The following CALCR variants were observed in gnomAD, a reference collection of about 807,000 sequenced individuals.
CALCR encodes calcitonin receptor.
In CALCR, 47 loss-of-function variants were observed where a neutral mutation model predicts 59.5. The observed-to-expected ratio is 0.79, with a 90% CI of 0.63 to 1.01. CALCR has a LOEUF of 1.01. CALCR is among the 50% of genes least tolerant of loss of function. The pLI is 0.00. For synonymous variants in CALCR, 213 were observed against 211.3 expected, an observed-to-expected ratio of 1.01 and a Z score of -0.07; for missense variants, 566 against 597.1, an observed-to-expected ratio of 0.95 and a Z score of 0.54.
At chr7:93,430,161 TCCTGA>T in intron 13 of CALCR, among the ~76,000 whole-genome samples, 1 of 152,186 alleles carries the variant, frequency 6.6e-6, no homozygotes, top group South Asian at 2.1e-4. Flanking sequence ...GGTCTCAATC[TCCTGA>T]CCTTGTGATC....
chr7:93,465,776 C>T (rs1351741601), intron 7 of CALCR, among the ~76,000 whole-genome samples: 1 of 151,846 alleles, frequency 6.6e-6, no homozygotes, highest in Non-Finnish European at 1.5e-5. Flanking sequence ...ATAATTCCAC[C>T]TTTTACCTTC....
intron 2 of CALCR, among the ~76,000 whole-genome samples, chr7:93,515,728 A>G (rs931403437): frequency 3.3e-5 from 5 of 151,990 alleles, no homozygotes; most frequent in African/African-American, 1.2e-4. Context: ...ACCAATGCAC[A>G]TTCAAATTTG....
chr7:93,432,402 C>T (rs1584531954), intron 13 of CALCR, among the ~76,000 whole-genome samples: 2 of 152,108 alleles, frequency 1.3e-5, no homozygotes, highest in Admixed American at 6.6e-5. Context: ...GTGATGCATT[C>T]GCAGAATGAC....
chr7:93,454,479 TA>T (rs774040515), intron 8 of CALCR, among the ~76,000 whole-genome samples: 2 of 151,750 alleles, frequency 1.3e-5, no homozygotes, highest in Admixed American at 6.6e-5. Context: ...CAGAACCAGA[TA>T]AAAAAAATTA....
At chr7:93,525,431 A>C (rs1383117143) in intron 2 of CALCR, among the ~76,000 whole-genome samples, 1 of 152,210 alleles carries the variant, frequency 6.6e-6, no homozygotes, top group Admixed American at 6.6e-5. Context: ...AACTAACAGC[A>C]TGAAATACTT....
At chr7:93,498,107 G>A (rs986524511) in intron 2 of CALCR, among the ~76,000 whole-genome samples, 2 of 151,542 alleles carry the variant, frequency 1.3e-5, no homozygotes, top group African/African-American at 4.8e-5. Context: ...ACTTGCTAAT[G>A]GGAAACAAAA....
chr7:93,463,561 C>A (rs1800383308), intron 7 of CALCR, among the ~76,000 whole-genome samples: 1 of 151,818 alleles, frequency 6.6e-6, no homozygotes. Context: ...TATGATTGTG[C>A]ACTCATTATG....
At chr7:93,449,259 G>A (rs1239618631) in intron 8 of CALCR, among the ~76,000 whole-genome samples, 1 of 152,008 alleles carries the variant, frequency 6.6e-6, no homozygotes, top group Non-Finnish European at 1.5e-5. Context: ...GGAAGAGTGT[G>A]AAGTGATGTT....
chr7:93,516,493 C>T (rs763615389), intron 2 of CALCR, among the ~76,000 whole-genome samples: 18 of 151,934 alleles, frequency 1.2e-4, no homozygotes, highest in Non-Finnish European at 2.2e-4. Context: ...GAGATGGACA[C>T]ATTGTGGATT....
rs1799958255 is a variant in CALCR, at chr7:93,443,746, C to A, written c.660G>T (p.Lys220Asn). The change falls in exon 9 of 14, where the codon AAG becomes AAT. Residue 220 changes from lysine to asparagine, a missense_variant. Coordinates refer to ENST00000426151, the MANE Select transcript of CALCR (RefSeq NM_001742.4). ...TGTACTGGTGGAAAAAATGCAAAAT[C>A]TTGCAGCTCACCTGTCAGAAAGAAA... is the stretch of plus-strand genomic sequence containing the variant. ...ELVRRDPVSCKILHFFHQYMM... is the reference protein window; with the variant it reads ...ELVRRDPVSCNILHFFHQYMM... 6.2e-7 allele frequency: 1 copy of A among 1,612,764 alleles called. No individual in the cohort carries two copies.
chr7:93,500,022 G>A (rs1801289078), intron 2 of CALCR, among the ~76,000 whole-genome samples: 1 of 151,786 alleles, frequency 6.6e-6, no homozygotes, highest in African/African-American at 2.4e-5. Flanking sequence ...GAAACTGGAA[G>A]GGATCTTAGA....
At chr7:93,538,396 T>C (rs893108627) in intron 2 of CALCR, among the ~76,000 whole-genome samples, 3 of 152,076 alleles carry the variant, frequency 2.0e-5, no homozygotes, top group Non-Finnish European at 2.9e-5. Context: ...AGTTTTATGA[T>C]AGTTATTCTT....
chr7:93,460,818 T>A lies in CALCR; in HGVS notation c.648+3A>T. 6.2e-7 allele frequency: 1 copy of A among 1,601,846 alleles called. No individual in the cohort carries two copies. The highest frequency in any genetic ancestry group is 8.5e-7 in the Non-Finnish European group (1 of 1,174,520). ...AGTAAAAACAAAACTATGCAGTACT[T>A]ACCGGGTCCCTTCGCACGAGCTCTC... On this transcript the variant is annotated splice_donor_region_variant and intron_variant, in intron 8 of 13. Coordinates refer to ENST00000426151, the MANE Select transcript of CALCR (RefSeq NM_001742.4).
At chr7:93,551,050 G>A (rs532522302) in intron 2 of CALCR, among the ~76,000 whole-genome samples, 3 of 152,036 alleles carry the variant, frequency 2.0e-5, no homozygotes, top group South Asian at 2.1e-4. Flanking sequence ...TCTAAAATTA[G>A]CAAACCAACA....
At chr7:93,534,171 G>C (rs1034637424) in intron 2 of CALCR, among the ~76,000 whole-genome samples, 4 of 151,794 alleles carry the variant, frequency 2.6e-5, no homozygotes, top group African/African-American at 4.8e-5. Context: ...CGTGTATCAA[G>C]TGTTTGACAA....
In CALCR at chr7:93,480,910, A is replaced by G. The variant is rs368759736; in HGVS notation, c.52-1403T>C. On this transcript the variant is annotated intron_variant, in intron 3 of 13. Coordinates refer to ENST00000426151, the MANE Select transcript of CALCR (RefSeq NM_001742.4). The stretch of plus-strand genomic sequence containing the variant: ...ATGCATGAGCCACTGTGAGAAAACC[A>G]TCTTGCCTGAAGGGGAGCATATTTG... 1.8e-3 allele frequency among the ~76,000 whole-genome samples: 274 copies of G among 151,980 alleles called. 15 individuals carry two copies. The South Asian group carries it at 0.054, about 30-fold the overall frequency.
chr7:93,476,178 G>A lies in CALCR; in HGVS notation c.316+1380C>T, dbSNP rs535560638. On this transcript the variant is annotated intron_variant, in intron 5 of 13. Coordinates refer to ENST00000426151, the MANE Select transcript of CALCR (RefSeq NM_001742.4). ...TTAATGGCTCTGTGCCATTAAAATT[G>A]TTTGTTTGTCTTCAAGTGCAGGGCT... is the stretch of plus-strand genomic sequence containing the variant. Among the ~76,000 whole-genome samples, 8 of 151,750 alleles carry A rather than the reference G, an allele frequency of 5.3e-5. No homozygotes were observed. The South Asian group carries it at 1.5e-3, about 28-fold the overall frequency.
At chr7:93,503,542 G>T (rs888407576) in intron 2 of CALCR, among the ~76,000 whole-genome samples, 2 of 152,066 alleles carry the variant, frequency 1.3e-5, no homozygotes, top group Non-Finnish European at 2.9e-5. Flanking sequence ...GATTTGATTT[G>T]ATTTTGCTTG....
At chr7:93,429,040 A>AG (rs1799593119) in intron 13 of CALCR, among the ~76,000 whole-genome samples, 1 of 152,174 alleles carries the variant, frequency 6.6e-6, no homozygotes, top group African/African-American at 2.4e-5. Context: ...ATGGGGCCAA[A>AG]CGGTTTGATT....
Sources: gnomAD v4.1 joint callset for allele counts (sites outside exome capture counted in the v4.1 genomes callset) on GRCh38, gnomAD v4.1.1 for gene constraint, MANE v1.5 for transcripts, NCBI Gene and HGNC (gene_info 2026-07-23, HGNC 2026-07-21) for gene names.